The following ABCG8 variants were observed in gnomAD, a reference collection of about 807,000 sequenced individuals.
ABCG8 encodes the protein ATP-binding cassette sub-family G member 8.
ABCG8 carries 81 observed loss-of-function variants against 71.3 expected under a neutral mutation model. That is an observed-to-expected ratio of 1.14 (90% CI 0.95 to 1.37). ABCG8 has a LOEUF of 1.37. ABCG8 is among the 40% of genes most tolerant of loss of function. The probability of loss-of-function intolerance (pLI) is 0.00; values close to 1 mark genes in which losing one functional copy is unlikely to be tolerated. For synonymous variants in ABCG8, 451 were observed against 354.7 expected (o/e 1.27, Z -3.05); for missense variants, 1,119 against 866.2 (o/e 1.29, Z -3.66).
rs746791819 is a variant in ABCG8, at chr2:43,872,095, A to C, written c.1084A>C (p.Lys362Gln). 9 of 1,614,128 alleles carry C rather than the reference A, an allele frequency of 5.6e-6. No individual in the cohort carries two copies. In the South Asian group the frequency reaches 9.9e-5, roughly 18 times the overall value. The change falls in exon 7 of 13, where the codon AAA (lysine) becomes CAA (glutamine). Residue 362 changes from lysine (K) to glutamine (Q), a missense_variant. Transcript: ENST00000272286. ...KVRDLDDFLWKAETKDLDEDT... is the reference protein window; with the variant it reads ...KVRDLDDFLWQAETKDLDEDT... ...GCGTGACTTAGATGACTTTCTATGG[A>C]AAGCAGAGACGAAGGATCTTGACGA...
chr2:43,843,823 T>C (rs1375007423), intron 1 of ABCG8, among the ~76,000 whole-genome samples: 5 of 152,182 alleles, frequency 3.3e-5, no homozygotes, highest in African/African-American at 1.2e-4. Context: ...CATTCAAATA[T>C]ACCACCACTT....
chr2:43,855,642 A>T (rs1669077462), intron 6 of ABCG8, among the ~76,000 whole-genome samples: 1 of 152,140 alleles, frequency 6.6e-6, no homozygotes, highest in Admixed American at 6.5e-5. Flanking sequence ...ATCTGTCTGG[A>T]TAGAATTCTC....
At chr2:43,840,751 G>A (rs562094566) in intron 1 of ABCG8, among the ~76,000 whole-genome samples, 1 of 152,258 alleles carries the variant, frequency 6.6e-6, no homozygotes, top group Non-Finnish European at 1.5e-5. Context: ...TCCAGCCCGA[G>A]CCACAACCTG....
intron 3 of ABCG8, among the ~76,000 whole-genome samples, chr2:43,849,038 A>AG (rs1668831961): frequency 6.6e-6 from 1 of 151,574 alleles, no homozygotes; most frequent in African/African-American, 2.4e-5. Context: ...AAAAAAAAAA[A>AG]AAAAAAAAGG....
At chr2:43,840,443 C>T (rs963008899) in intron 1 of ABCG8, among the ~76,000 whole-genome samples, 2 of 152,192 alleles carry the variant, frequency 1.3e-5, no homozygotes, top group Admixed American at 6.5e-5. Context: ...ATGCTAGGAC[C>T]ACACCAGAAA....
intron 6 of ABCG8, among the ~76,000 whole-genome samples, chr2:43,854,955 G>T (rs1280153756): frequency 2.0e-5 from 3 of 152,184 alleles, no homozygotes; most frequent in African/African-American, 7.2e-5. Flanking sequence ...CAAGTGTGCT[G>T]TCTCCCTCCT....
intron 6 of ABCG8, among the ~76,000 whole-genome samples, chr2:43,868,622 C>G (rs1669620677): frequency 6.6e-6 from 1 of 152,050 alleles, no homozygotes; most frequent in Non-Finnish European, 1.5e-5. Context: ...AACTCTGACT[C>G]TCTGTCTGGA....
chr2:43,844,669 G>A (rs929023747), intron 2 of ABCG8, 61 bp downstream of exon 2: 113 of 1,394,934 alleles, frequency 8.1e-5, no homozygotes, highest in African/African-American at 1.1e-4. Flanking sequence ...GAAATTCCCC[G>A]GGTGGAAATA....
At position 43,852,497 on chromosome 2, in the gene ABCG8, G is replaced by GGGGGGCAGAT. The variant is rs1220522466; in HGVS notation, c.694+21_694+30dup. The GGGGGGCAGAT allele has an allele frequency of 3.2e-5, 51 of 1,613,310 alleles. No homozygotes were observed. The highest frequency in any genetic ancestry group is 4.2e-5 in the Non-Finnish European group (49 of 1,179,784). On this transcript the variant is annotated intron_variant, in intron 5 of 12. Transcript: ENST00000272286. ...TCCTGTGGAACCCAGGTGAGGGCCTGGGGGGCAGATGGGGGCAGAGGGACC... is the reference window on the plus strand; with the variant it reads ...TCCTGTGGAACCCAGGTGAGGGCCTGGGGGGCAGATGGGGGCAGATGGGGGCAGAGGGACC...
chr2:43,860,997 G>T (rs1344164719), intron 6 of ABCG8, among the ~76,000 whole-genome samples: 2 of 151,256 alleles, frequency 1.3e-5, no homozygotes, highest in African/African-American at 4.8e-5. Flanking sequence ...TATCCGGATA[G>T]AATTCTCACC....
intron 4 of ABCG8, 111 bp downstream of exon 4, chr2:43,851,933 C>T: frequency 7.9e-7 from 1 of 1,272,248 alleles, no homozygotes. Context: ...CGAGTTTGAA[C>T]AACTCAGCTT....
intron 3 of ABCG8, among the ~76,000 whole-genome samples, chr2:43,850,564 C>T (rs1257731143): frequency 1.3e-5 from 2 of 152,156 alleles, no homozygotes; most frequent in Non-Finnish European, 2.9e-5. Context: ...AGGTAGTAAG[C>T]TTTGTACCCA....
chr2:43,852,996 G>C (rs1036355272), intron 6 of ABCG8, 128 bp downstream of exon 6: 2 of 1,243,684 alleles, frequency 1.6e-6, no homozygotes, highest in East Asian at 2.3e-5. Flanking sequence ...GAGGAGCAAT[G>C]ATGGGGAAGA....
chr2:43,855,796 A>G (rs555254818), intron 6 of ABCG8, among the ~76,000 whole-genome samples: 6 of 151,198 alleles, frequency 4.0e-5, no homozygotes, highest in Non-Finnish European at 8.9e-5. Flanking sequence ...AACTCTCACT[A>G]TCTATCTGGA....
chr2:43,857,852 C>T (rs1316338800), intron 6 of ABCG8, among the ~76,000 whole-genome samples: 1 of 151,736 alleles, frequency 6.6e-6, no homozygotes, highest in Non-Finnish European at 1.5e-5. Context: ...ATGAACAACT[C>T]TCACAATCTG....
chr2:43,840,556 G>C (rs1438652247), intron 1 of ABCG8, among the ~76,000 whole-genome samples: 1 of 152,206 alleles, frequency 6.6e-6, no homozygotes, highest in Non-Finnish European at 1.5e-5. Context: ...TGGAACAAGA[G>C]GATGAGGGTC....
chr2:43,871,829 C>G, intron 6 of ABCG8, 147 bp from the exon 7 acceptor site: 2 of 1,198,902 alleles, frequency 1.7e-6, no homozygotes, highest in Non-Finnish European at 2.4e-6. Flanking sequence ...CTGCTCTGCC[C>G]CTTGCTTCAT....
intron 10 of ABCG8, among the ~76,000 whole-genome samples, chr2:43,874,771 C>T (rs958896667): frequency 2.0e-5 from 3 of 152,234 alleles, no homozygotes; most frequent in Non-Finnish European, 4.4e-5. Flanking sequence ...CAGAGCCTCA[C>T]TGTGGCCCCC....
intron 6 of ABCG8, among the ~76,000 whole-genome samples, chr2:43,859,604 T>C (rs1342342360): frequency 1.3e-5 from 2 of 151,308 alleles, no homozygotes; most frequent in African/African-American, 4.8e-5. Flanking sequence ...TGGATAGAAT[T>C]CTCACCCTCT....
Sources: allele counts gnomAD v4.1 joint callset (sites outside exome capture counted in the v4.1 genomes callset), GRCh38; gene constraint gnomAD v4.1.1; transcripts MANE v1.5; gene names NCBI Gene and HGNC (gene_info 2026-07-23, HGNC 2026-07-21).